Variants in SPTBN1 observed in about 807,000 individuals in gnomAD.
The protein encoded by SPTBN1 is spectrin beta, non-erythrocytic 1.
In SPTBN1, 32 loss-of-function variants were observed where a neutral mutation model predicts 266.4. The ratio of observed to expected loss-of-function variants is 0.12; its 90% CI spans 0.09 to 0.16. SPTBN1 has a LOEUF of 0.16. Among genes scored for constraint, SPTBN1 ranks in the 10% least tolerant of loss-of-function variants. The pLI, the probability that SPTBN1 is intolerant of heterozygous loss-of-function variation, is 1.00. For synonymous variants in SPTBN1, 1,336 were observed against 1,162.2 expected (o/e 1.15, Z -3.04); for missense variants, 2,296 against 3,067.1 (o/e 0.75, Z 5.94).
intron 1 of SPTBN1, among the ~76,000 whole-genome samples, chr2:54,519,267 T>A (rs1043100854): frequency 4.6e-5 from 7 of 152,200 alleles, no homozygotes; most frequent in African/African-American, 1.7e-4. Context: ...AATGATGGGA[T>A]CATGACCTCA....
intron 2 of SPTBN1, among the ~76,000 whole-genome samples, chr2:54,572,115 T>C (rs1306953544): frequency 1.3e-5 from 2 of 152,076 alleles, no homozygotes; most frequent in Admixed American, 6.6e-5. Flanking sequence ...TACTAAACTT[T>C]GGTGAGGAGA....
chr2:54,547,928 G>A (rs1672343832), intron 2 of SPTBN1, among the ~76,000 whole-genome samples: 1 of 151,930 alleles, frequency 6.6e-6, no homozygotes, highest in Non-Finnish European at 1.5e-5. Context: ...CAGATCACGA[G>A]GTCAGGAGAT....
intron 1 of SPTBN1, among the ~76,000 whole-genome samples, chr2:54,497,014 C>T (rs962836717): frequency 6.6e-6 from 1 of 152,202 alleles, no homozygotes; most frequent in African/African-American, 2.4e-5. Flanking sequence ...ATGATATGCG[C>T]ATATGTTTAT....
chr2:54,643,890 C>T (rs1056517650), intron 19 of SPTBN1, among the ~76,000 whole-genome samples: 5 of 151,898 alleles, frequency 3.3e-5, no homozygotes, highest in African/African-American at 7.3e-5. Context: ...GGCTGAGGCA[C>T]GAGCCCAGGA....
intron 31 of SPTBN1, 60 bp from the exon 32 acceptor site, chr2:54,659,876 C>T: frequency 1.3e-6 from 2 of 1,574,372 alleles, no homozygotes; most frequent in Middle Eastern, 1.7e-4. Flanking sequence ...CCCTTTCTTA[C>T]TGTTTCCTCT....
At chr2:54,630,209 G>T (rs1313325698) in intron 15 of SPTBN1, among the ~76,000 whole-genome samples, 180 bp downstream of exon 15, 1 of 152,204 alleles carries the variant, frequency 6.6e-6, no homozygotes, top group East Asian at 1.9e-4. Context: ...GTGTCTCTCA[G>T]GGCAACATCA....
chr2:54,575,837 A>G (rs193048845), intron 2 of SPTBN1, among the ~76,000 whole-genome samples: 1 of 152,322 alleles, frequency 6.6e-6, no homozygotes, highest in Admixed American at 6.5e-5. Context: ...CAGACATTTG[A>G]GAGGCTGGGT....
intron 7 of SPTBN1, 138 bp from the exon 8 acceptor site, chr2:54,621,262 G>A: frequency 1.8e-6 from 1 of 561,104 alleles, no homozygotes; most frequent in South Asian, 2.6e-5. Context: ...TTAATGCACG[G>A]ATGGCAGAAC....
chr2:54,655,136 T>C lies in SPTBN1; in HGVS notation c.5889T>C (p.Arg1963=), dbSNP rs1328848085. ...HQGIKAEIDA[R]NDSFTTCIEL... ...GCATCAAAGCTGAAATTGATGCACG[T>C]AATGACAGTTTCACAACCTGCATTG... The change falls in exon 28 of 36, where the codon CGT becomes CGC. Residue 1963 remains arginine, a synonymous_variant. Coordinates refer to ENST00000356805, the MANE Select transcript of SPTBN1 (RefSeq NM_003128.3). 1 of 1,614,240 alleles carries C rather than the reference T, an allele frequency of 6.2e-7. No homozygotes were observed.
At position 54,649,198 on chromosome 2, in the gene SPTBN1, C is replaced by G. The variant is rs199587440; in HGVS notation, c.5202+8C>G. Reference sequence around the variant, plus strand: ...GACTATGAGCATGTCACGGCAAGTACTTGAGGCAGTGCATGAGTTGGTTGT... The same window carrying G: ...GACTATGAGCATGTCACGGCAAGTAGTTGAGGCAGTGCATGAGTTGGTTGT... On this transcript the variant is annotated splice_region_variant and intron_variant, in intron 25 of 35. Coordinates refer to ENST00000356805, the MANE Select transcript of SPTBN1 (RefSeq NM_003128.3). The surrounding 1 kb of genome is among the most constrained non-coding windows in gnomAD (Gnocchi z 6.7). 9.4e-6 allele frequency: 15 copies of G among 1,590,124 alleles called. No homozygotes were observed.
chr2:54,566,032 A>G (rs972514299), intron 2 of SPTBN1, among the ~76,000 whole-genome samples: 2 of 152,212 alleles, frequency 1.3e-5, no homozygotes, highest in African/African-American at 2.4e-5. Context: ...TCTTGTGCAC[A>G]TAATCAAAAC....
In SPTBN1 at chr2:54,670,472, TA is replaced by T. The variant is rs1681650060; in HGVS notation, c.*1904del. On this transcript the variant is annotated 3_prime_UTR_variant, in exon 36 of 36. Coordinates refer to ENST00000356805, the MANE Select transcript of SPTBN1 (RefSeq NM_003128.3). ...CATCAAAGCTTTCTCTTAACTCTCT[TA>T]CCTCTAGGCAAACTGAGACCTCACC... 2.6e-6 allele frequency: 1 copy of T among 385,670 alleles called. No individual in the cohort carries two copies. Among genetic ancestry groups the T allele is most frequent in the Non-Finnish European group, 4.6e-6 (1 of 218,372 alleles). The allele number at this position is 385,670 out of a possible 1,614,324, so 23.9% of individuals were successfully genotyped here. A position where few individuals can be genotyped will look rare whatever the true frequency, so the allele number is the denominator to read the frequency against.
intron 1 of SPTBN1, among the ~76,000 whole-genome samples, chr2:54,482,984 G>T (rs751664701): frequency 2.6e-5 from 4 of 152,226 alleles, no homozygotes; most frequent in African/African-American, 7.2e-5. Context: ...GTTTAAAGCA[G>T]GCTGGCCCGA....
chr2:54,577,332 C>G lies in SPTBN1; in HGVS notation c.149-21760C>G, dbSNP rs539009189. Among the ~76,000 whole-genome samples, 3 of 152,316 alleles carry G rather than the reference C, an allele frequency of 2.0e-5. No homozygotes were observed. The South Asian group carries it at 6.2e-4, about 32-fold the overall frequency. On this transcript the variant is annotated intron_variant, in intron 2 of 35. Transcript: ENST00000356805. ...CTTTCATTTTACCGAATGTGCTCCC[C>G]CAAGGCTCTTCTGGGTAGATGCCCA...
At chr2:54,640,428 G>A (rs1679449700) in intron 18 of SPTBN1, among the ~76,000 whole-genome samples, 1 of 152,152 alleles carries the variant, frequency 6.6e-6, no homozygotes, top group Non-Finnish European at 1.5e-5. Flanking sequence ...ACCTAGATGA[G>A]GACAGCTATT....
intron 11 of SPTBN1, 80 bp downstream of exon 11, chr2:54,625,042 G>A: frequency 1.4e-6 from 2 of 1,465,838 alleles, no homozygotes; most frequent in Non-Finnish European, 1.8e-6. Context: ...CATAGGGCCA[G>A]AGGACAGCTG....
intron 2 of SPTBN1, among the ~76,000 whole-genome samples, chr2:54,571,998 T>A (rs1439065321): frequency 6.6e-6 from 1 of 152,180 alleles, no homozygotes; most frequent in African/African-American, 2.4e-5. Flanking sequence ...AAGTTTAATA[T>A]GACCCTAGTG....
At chr2:54,534,841 G>T (rs556339427) in intron 2 of SPTBN1, among the ~76,000 whole-genome samples, 17 of 152,274 alleles carry the variant, frequency 1.1e-4, no homozygotes, top group African/African-American at 4.1e-4. Context: ...TATTCACCAT[G>T]CACTCATCCC....
intron 1 of SPTBN1, among the ~76,000 whole-genome samples, chr2:54,485,857 G>A (rs1427246544): frequency 7.3e-5 from 11 of 151,492 alleles, no homozygotes; most frequent in African/African-American, 2.7e-4. Flanking sequence ...TGTCTGGGAT[G>A]TGAGGAGCGC....
Sources: allele counts gnomAD v4.1 joint callset (sites outside exome capture counted in the v4.1 genomes callset), GRCh38; gene constraint gnomAD v4.1.1; non-coding constraint Gnocchi (gnomAD v3.1); transcripts MANE v1.5; gene names NCBI Gene and HGNC (gene_info 2026-07-23, HGNC 2026-07-21).